Variants in ALPK1 observed in about 807,000 individuals in gnomAD.
ALPK1 encodes alpha kinase 1.
In ALPK1, 110 loss-of-function variants were observed where a neutral mutation model predicts 120.6. The observed-to-expected ratio is 0.91, with a 90% CI of 0.78 to 1.07. The LOEUF is 1.07. ALPK1 is among the 50% of genes least tolerant of loss of function. ALPK1 has a pLI of 0.00. For synonymous variants in ALPK1, 582 were observed against 560.3 expected (o/e 1.04, Z -0.55); for missense variants, 1,498 against 1,483.9 (o/e 1.01, Z -0.16).
At chr4:112,363,882 A>C (rs1397826504) in intron 2 of ALPK1, among the ~76,000 whole-genome samples, 1 of 152,228 alleles carries the variant, frequency 6.6e-6, no homozygotes, top group Non-Finnish European at 1.5e-5. Flanking sequence ...CAGTGGAATA[A>C]AATTGGAAAT....
intron 2 of ALPK1, among the ~76,000 whole-genome samples, chr4:112,322,178 G>A (rs1441666381): frequency 6.6e-6 from 1 of 152,162 alleles, no homozygotes; most frequent in African/African-American, 2.4e-5. Flanking sequence ...ATCTGATAAT[G>A]TACTTATAAA....
intron 1 of ALPK1, among the ~76,000 whole-genome samples, chr4:112,306,748 C>T (rs1261028981): frequency 6.6e-6 from 1 of 151,990 alleles, no homozygotes; most frequent in African/African-American, 2.4e-5. Context: ...GTCTCTATCT[C>T]CTTTAGTTCT....
intron 2 of ALPK1, among the ~76,000 whole-genome samples, chr4:112,349,439 C>T (rs958694288): frequency 6.6e-6 from 1 of 151,866 alleles, no homozygotes; most frequent in Non-Finnish European, 1.5e-5. Flanking sequence ...TAATTGATAC[C>T]TATGAAGCAC....
chr4:112,436,057 A>G (rs1734776863), intron 12 of ALPK1, among the ~76,000 whole-genome samples: 1 of 152,268 alleles, frequency 6.6e-6, no homozygotes, highest in African/African-American at 2.4e-5. Flanking sequence ...TGTATATTTT[A>G]AAAGACCTAT....
At chr4:112,342,990 C>T in intron 2 of ALPK1, 1 of 152,732 alleles carries the variant, frequency 6.5e-6, no homozygotes, top group Non-Finnish European at 1.5e-5. Flanking sequence ...GTTAGTTCTT[C>T]TCTCCCCTTC....
rs138944887 is a variant in ALPK1, at chr4:112,342,542, G to T, written c.-101+26690G>T. Among the ~76,000 whole-genome samples, 655 of 152,156 alleles carry T rather than the reference G, an allele frequency of 4.3e-3. 5 individuals carry two copies. Among genetic ancestry groups the T allele is most frequent in the African/African-American group, 0.015 (634 of 41,500 alleles). ...ATTAAAGAAAATATGTAATTTTAAA[G>T]CATGACCTCAGGCTCCTAAAAGCAA... is the stretch of plus-strand genomic sequence containing the variant. On this transcript the variant is annotated intron_variant, in intron 2 of 15. Coordinates refer to ENST00000650871, the MANE Select transcript of ALPK1 (RefSeq NM_025144.4).
chr4:112,403,344 A>G (rs1448367349), intron 4 of ALPK1, among the ~76,000 whole-genome samples: 1 of 152,206 alleles, frequency 6.6e-6, no homozygotes, highest in East Asian at 1.9e-4. Flanking sequence ...TAGAAACACG[A>G]CAGAGCGGCT....
At chr4:112,326,645 T>G (rs79622691) in intron 2 of ALPK1, among the ~76,000 whole-genome samples, 2 of 152,206 alleles carry the variant, frequency 1.3e-5, no homozygotes, top group African/African-American at 2.4e-5. Flanking sequence ...TTCCCCTTTA[T>G]GCCAAAACTA....
chr4:112,386,479 T>C (rs2148731693), intron 4 of ALPK1, among the ~76,000 whole-genome samples: 1 of 152,356 alleles, frequency 6.6e-6, no homozygotes, highest in East Asian at 1.9e-4. Flanking sequence ...ATACCAATTA[T>C]TTATTGCTGA....
At chr4:112,407,747 G>A (rs145389525) in intron 4 of ALPK1, among the ~76,000 whole-genome samples, 59 of 152,174 alleles carry the variant, frequency 3.9e-4, no homozygotes, top group Middle Eastern at 6.8e-3. Flanking sequence ...GAGAATAGCC[G>A]GCCTCTGAAC....
At chr4:112,389,824 G>C (rs1329013499) in intron 4 of ALPK1, among the ~76,000 whole-genome samples, 1 of 152,180 alleles carries the variant, frequency 6.6e-6, no homozygotes, top group Non-Finnish European at 1.5e-5. Flanking sequence ...GGGTCCAGTA[G>C]AATAAGCTGG....
At chr4:112,302,815 G>A (rs1727849705) in intron 1 of ALPK1, among the ~76,000 whole-genome samples, 1 of 152,000 alleles carries the variant, frequency 6.6e-6, no homozygotes, top group South Asian at 2.1e-4. Flanking sequence ...GTGCCTCTCA[G>A]CCACATTCCT....
At chr4:112,304,803 T>G (rs1207326890) in intron 1 of ALPK1, among the ~76,000 whole-genome samples, 1 of 152,126 alleles carries the variant, frequency 6.6e-6, no homozygotes, top group East Asian at 1.9e-4. Flanking sequence ...CTTTTGGTGT[T>G]TTAGACATGA....
intron 2 of ALPK1, among the ~76,000 whole-genome samples, chr4:112,334,432 C>CAA (rs34230609): frequency 0.01 from 1,247 of 120,698 alleles, 10 homozygotes; most frequent in African/African-American, 0.029. Flanking sequence ...GACTCTGCCT[C>CAA]AAAAAAAAAA....
intron 2 of ALPK1, chr4:112,359,772 TC>T: frequency 2.4e-6 from 1 of 421,260 alleles, no homozygotes; most frequent in South Asian, 1.8e-5. Context: ...GCACACTGCC[TC>T]CAGGAAGCAG....
intron 1 of ALPK1, among the ~76,000 whole-genome samples, chr4:112,305,228 T>C (rs1248695202): frequency 6.6e-6 from 1 of 152,078 alleles, no homozygotes; most frequent in East Asian, 1.9e-4. Flanking sequence ...GTCTTGGTGA[T>C]GTGGGCTCTT....
At chr4:112,440,721 A>T (rs934438693) in intron 14 of ALPK1, among the ~76,000 whole-genome samples, 196 bp from the exon 15 acceptor site, 4 of 152,170 alleles carry the variant, frequency 2.6e-5, no homozygotes, top group African/African-American at 9.7e-5. Flanking sequence ...TTATTCTTAA[A>T]CTAATAACTG....
At chr4:112,379,495 G>T (rs1731809989) in intron 3 of ALPK1, among the ~76,000 whole-genome samples, 1 of 152,234 alleles carries the variant, frequency 6.6e-6, no homozygotes, top group Non-Finnish European at 1.5e-5. Context: ...GCGGCGCTGC[G>T]TGTCCCACCC....
chr4:112,352,971 C>CTTTTTT (rs11432722), intron 2 of ALPK1: 10 of 117,630 alleles, frequency 8.5e-5, no homozygotes, highest in Non-Finnish European at 1.2e-4. Context: ...CTTTCCTTTC[C>CTTTTTT]TTTTTTTTTT....
Sources: gnomAD v4.1 joint callset for allele counts (sites outside exome capture counted in the v4.1 genomes callset) on GRCh38, gnomAD v4.1.1 for gene constraint, MANE v1.5 for transcripts, NCBI Gene and HGNC (gene_info 2026-07-23, HGNC 2026-07-21) for gene names.